The following RALYL variants were observed in gnomAD, a reference collection of about 807,000 sequenced individuals.
RALYL encodes the protein RALY RNA binding protein like.
RALYL carries 29 observed loss-of-function variants against 35.1 expected under a neutral mutation model. That is an observed-to-expected ratio of 0.83 (90% CI 0.61 to 1.13). RALYL has a LOEUF of 1.13. Among genes scored for constraint, RALYL ranks in the 50% most tolerant of loss-of-function variants. RALYL has a pLI of 0.00. For missense variants in RALYL, 359 were observed against 360.4 expected (o/e 1.00, Z 0.03); for synonymous variants, 120 against 127.6 (o/e 0.94, Z 0.40).
intron 1 of RALYL, among the ~76,000 whole-genome samples, chr8:84,295,133 T>A (rs1187121057): frequency 6.6e-6 from 1 of 151,968 alleles, no homozygotes; most frequent in Non-Finnish European, 1.5e-5. Context: ...TGACAGTGGA[T>A]TGGGGTGGGG....
intron 3 of RALYL, among the ~76,000 whole-genome samples, chr8:84,776,919 C>T (rs1350907885): frequency 6.6e-6 from 1 of 152,128 alleles, no homozygotes; most frequent in Non-Finnish European, 1.5e-5. Flanking sequence ...TATCTGTTTA[C>T]ACAAATTAAG....
At position 84,654,055 on chromosome 8, in the gene RALYL, C is replaced by T. The variant is rs532373141; in HGVS notation, c.257-120524C>T. Among the ~76,000 whole-genome samples, 5 of 145,790 alleles carry T rather than the reference C, an allele frequency of 3.4e-5. No individual in the cohort carries two copies. In the East Asian group the frequency reaches 6.5e-4, roughly 19 times the overall value. On this transcript the variant is annotated intron_variant, in intron 2 of 8. Coordinates refer to ENST00000521268, the MANE Select transcript of RALYL (RefSeq NM_173848.7). ...TGTTTTGTTTTAATTTTTGTGGATACGTAGTATATGTATATATAAACACAC... is the reference window on the plus strand; with the variant it reads ...TGTTTTGTTTTAATTTTTGTGGATATGTAGTATATGTATATATAAACACAC...
At chr8:84,470,195 T>G (rs1241717715) in intron 1 of RALYL, among the ~76,000 whole-genome samples, 1 of 152,300 alleles carries the variant, frequency 6.6e-6, no homozygotes, top group African/African-American at 2.4e-5. Context: ...AAGTTGTTTT[T>G]AAATTACTTG....
intron 4 of RALYL, among the ~76,000 whole-genome samples, chr8:84,807,299 A>G (rs1164897927): frequency 3.3e-5 from 5 of 152,210 alleles, no homozygotes; most frequent in Non-Finnish European, 7.3e-5. Context: ...TTCACTTAGA[A>G]TAATAGTCTC....
chr8:84,566,850 C>T (rs958000949), intron 2 of RALYL, among the ~76,000 whole-genome samples: 15 of 151,754 alleles, frequency 9.9e-5, no homozygotes, highest in Admixed American at 7.9e-4. Flanking sequence ...ATTTTCCCAG[C>T]TTTTTAAATT....
chr8:84,751,190 C>T (rs1461022407), intron 2 of RALYL, among the ~76,000 whole-genome samples: 1 of 152,038 alleles, frequency 6.6e-6, no homozygotes, highest in Admixed American at 6.6e-5. Flanking sequence ...AGTTGGTAAA[C>T]ATCCCTCAAA....
chr8:84,368,346 T>G (rs1256468622), intron 1 of RALYL, among the ~76,000 whole-genome samples: 1 of 152,234 alleles, frequency 6.6e-6, no homozygotes, highest in African/African-American at 2.4e-5. Context: ...AATGTACTAT[T>G]ATAATTTTGA....
intron 6 of RALYL, chr8:84,872,361 G>T (rs1406319679): frequency 6.6e-6 from 1 of 152,126 alleles, no homozygotes. Context: ...GTAATGAGAA[G>T]TTGATAAAAT....
At chr8:84,434,820 AT>A (rs1443755927) in intron 1 of RALYL, among the ~76,000 whole-genome samples, 139 of 152,230 alleles carry the variant, frequency 9.1e-4, no homozygotes, top group African/African-American at 3.2e-3. Context: ...AATTAAAAAA[AT>A]ATATACATTT....
intron 3 of RALYL, among the ~76,000 whole-genome samples, chr8:84,786,104 GT>G (rs2133789346): frequency 6.6e-6 from 1 of 152,310 alleles, no homozygotes; most frequent in East Asian, 1.9e-4. Flanking sequence ...TCCTGTGTTA[GT>G]TTGCTGAGGA....
intron 1 of RALYL, among the ~76,000 whole-genome samples, chr8:84,253,009 T>C (rs562870465): frequency 6.6e-6 from 1 of 152,106 alleles, no homozygotes; most frequent in African/African-American, 2.4e-5. Context: ...ACATAAGGAC[T>C]TTGTGTATGG....
chr8:84,332,326 G>C (rs1846983846), intron 1 of RALYL, among the ~76,000 whole-genome samples: 1 of 152,068 alleles, frequency 6.6e-6, no homozygotes, highest in South Asian at 2.1e-4. Flanking sequence ...GCAGAAAAAA[G>C]AAAGTACAGA....
chr8:84,187,916 G>T (rs1812920153), intron 1 of RALYL, among the ~76,000 whole-genome samples: 1 of 151,900 alleles, frequency 6.6e-6, no homozygotes, highest in African/African-American at 2.4e-5. Flanking sequence ...AATTAAGCAG[G>T]GCATTCATTG....
chr8:84,667,017 TTTAAG>T (rs1832209519), intron 2 of RALYL, among the ~76,000 whole-genome samples: 1 of 152,082 alleles, frequency 6.6e-6, no homozygotes, highest in African/African-American at 2.4e-5. Context: ...TGAGGGTAAA[TTTAAG>T]TTAAGTAAAA....
Position 84,228,154 on chromosome 8 carries a change from C to CA in RALYL, c.-24+43752dup, listed in dbSNP as rs57543989. Among the ~76,000 whole-genome samples the CA allele has an allele frequency of 4.8e-3, 597 of 123,684 alleles. 6 individuals are homozygous for CA. The highest frequency in any genetic ancestry group is 0.025 in the East Asian group (105 of 4,228). The allele number at this position is 123,684 out of a possible 152,430, so 81.1% of individuals were successfully genotyped here. A position where few individuals can be genotyped will look rare whatever the true frequency, so the allele number is the denominator to read the frequency against. ...AACGAAGACATAAAGAATAGTCTAG[C>CA]AAAAAAAAAAAAAAAAAAAAAATGT... On this transcript the variant is annotated intron_variant, in intron 1 of 8. Coordinates refer to ENST00000521268, the MANE Select transcript of RALYL (RefSeq NM_173848.7).
At chr8:84,488,087 A>G (rs13251394) in intron 1 of RALYL, among the ~76,000 whole-genome samples, 1 of 152,110 alleles carries the variant, frequency 6.6e-6, no homozygotes, top group East Asian at 1.9e-4. Context: ...AGGTAGAGTA[A>G]CAGGAAATAA....
At chr8:84,853,163 C>A in intron 5 of RALYL, among the ~76,000 whole-genome samples, 1 of 152,172 alleles carries the variant, frequency 6.6e-6, no homozygotes, top group Non-Finnish European at 1.5e-5. Context: ...CCTGGGAATG[C>A]AGCCCAGCAA....
chr8:84,353,639 C>T lies in RALYL; in HGVS notation c.-24+169215C>T, dbSNP rs1458568917. The stretch of plus-strand genomic sequence containing the variant: ...TATGAATCATTTTTTGTTCACAGCA[C>T]GTCAAGATATGTTACAAGGTGCAAG... On this transcript the variant is annotated intron_variant, in intron 1 of 8. Transcript: ENST00000521268. 2.7e-5 allele frequency among the ~76,000 whole-genome samples: 4 copies of T among 149,962 alleles called. 1 individual carries two copies. The highest frequency in any genetic ancestry group is 6.6e-5 in the Admixed American group (1 of 15,106).
chr8:84,830,318 A>G (rs1226263616), intron 4 of RALYL, among the ~76,000 whole-genome samples: 3 of 152,284 alleles, frequency 2.0e-5, no homozygotes, highest in African/African-American at 4.8e-5. Flanking sequence ...TTTCAGAAAT[A>G]TAATTATTCA....
Sources: gnomAD v4.1 joint callset for allele counts (sites outside exome capture counted in the v4.1 genomes callset) on GRCh38, gnomAD v4.1.1 for gene constraint, MANE v1.5 for transcripts, NCBI Gene and HGNC (gene_info 2026-07-23, HGNC 2026-07-21) for gene names.